AAK1: variants seen among roughly 807,000 people sequenced by gnomAD.
AAK1 encodes AP2-associated protein kinase 1.
In AAK1, 37 loss-of-function variants were observed where a neutral mutation model predicts 116.0. That is an observed-to-expected ratio of 0.32 (90% CI 0.25 to 0.42). The LOEUF is 0.42. Among genes scored for constraint, AAK1 ranks in the 10% least tolerant of loss-of-function variants. AAK1 has a pLI of 1.00. For synonymous variants in AAK1, 458 were observed against 439.9 expected, an observed-to-expected ratio of 1.04 and a Z score of -0.51; for missense variants, 919 against 1,170.6, an observed-to-expected ratio of 0.79 and a Z score of 3.14.
intron 5 of AAK1, among the ~76,000 whole-genome samples, chr2:69,541,957 G>A (rs1304884409): frequency 2.6e-5 from 4 of 152,104 alleles, no homozygotes; most frequent in East Asian, 3.9e-4. Context: ...ACTATAAAAC[G>A]TAACAAAGAA....
chr2:69,523,409 C>T lies in AAK1; in HGVS notation c.1055+1624G>A, dbSNP rs140746428. ...AATCAAAGTCTCACTACTTTAGAGG[C>T]ACATCTAAAATAACTTCATGTACAC... On this transcript the variant is annotated intron_variant, in intron 10 of 21. Coordinates refer to ENST00000409085, the MANE Select transcript of AAK1 (RefSeq NM_014911.5). Among the ~76,000 whole-genome samples, 10 of 152,180 alleles carry T rather than the reference C, an allele frequency of 6.6e-5. No homozygotes were observed. The East Asian group carries it at 1.9e-3, about 29-fold the overall frequency.
rs1385781701 is a variant in AAK1 at position 69,459,718 on chromosome 2, A to AC, written c.*16150_*16151insG. The stretch of plus-strand genomic sequence containing the variant: ...GACATGCTCAAAATAGGGGAATGTT[A>AC]AGTAAGGAAATGAAGTGGGAACAGG... On this transcript the variant is annotated 3_prime_UTR_variant, in exon 22 of 22. Coordinates refer to ENST00000409085, the MANE Select transcript of AAK1 (RefSeq NM_014911.5). 6.6e-6 allele frequency: 1 copy of AC among 152,228 alleles called. No homozygotes were observed. The highest frequency in any genetic ancestry group is 6.5e-5 in the Admixed American group (1 of 15,282). 9.4% of individuals were successfully genotyped at this position (152,228 alleles called of 1,614,324 possible).
intron 3 of AAK1, among the ~76,000 whole-genome samples, chr2:69,552,792 T>C (rs1172341771): frequency 2.0e-5 from 3 of 151,570 alleles, no homozygotes; most frequent in African/African-American, 7.3e-5. Context: ...ATCTTCAGAA[T>C]TGAGAGCTAG....
chr2:69,514,737 G>A lies in AAK1; in HGVS notation c.1510C>T (p.His504Tyr). Residue 504 changes from histidine (H) to tyrosine (Y), a missense_variant, in exon 13 of 22, where the codon CAT (histidine) becomes TAT (tyrosine). His to Tyr is a moderately conservative substitution (Grantham distance 83). This residue lies in a region of AAK1 where 214 missense variants were observed against 210.6 expected (regional missense o/e 1.02). Transcript: ENST00000409085. ...ATTGCTGGTTTCTGGGTTGCTGGAT[G>A]TACTGCCTGAAACTGAGCAAGAAAT... ...QAQTQQFQAV[H>Y]PATQKPAIAQ... 2 of 1,598,610 alleles carry A rather than the reference G, an allele frequency of 1.3e-6. No homozygotes were observed. The highest frequency in any genetic ancestry group is 1.7e-6 in the Non-Finnish European group (2 of 1,170,726).
chr2:69,536,793 TTCAG>T (rs58683100), intron 5 of AAK1, among the ~76,000 whole-genome samples: 4,540 of 152,304 alleles, frequency 0.03, 93 homozygotes, highest in Non-Finnish European at 0.047. Flanking sequence ...CATTAGGCAT[TTCAG>T]TCAGAGAATG....
intron 2 of AAK1, among the ~76,000 whole-genome samples, chr2:69,640,053 A>ACTCACTCTCTCT (rs1675644605): frequency 1.1e-5 from 1 of 92,742 alleles, no homozygotes; most frequent in African/African-American, 4.9e-5. Context: ...ACACACACAC[A>ACTCACTCTCTCT]CTCTCTCTCT....
chr2:69,637,256 C>T (rs1236936355), intron 2 of AAK1, among the ~76,000 whole-genome samples: 3 of 152,204 alleles, frequency 2.0e-5, no homozygotes, highest in Non-Finnish European at 4.4e-5. Flanking sequence ...CCTGACTACT[C>T]CCCAACCCAC....
At chr2:69,589,857 G>GT (rs1672955523) in intron 2 of AAK1, among the ~76,000 whole-genome samples, 1 of 152,146 alleles carries the variant, frequency 6.6e-6, no homozygotes, top group Admixed American at 6.5e-5. Context: ...CTGGAGTAGA[G>GT]TCAGGCACAG....
At chr2:69,631,926 G>A (rs1212892996) in intron 2 of AAK1, among the ~76,000 whole-genome samples, 3 of 152,140 alleles carry the variant, frequency 2.0e-5, no homozygotes, top group East Asian at 1.9e-4. Context: ...GTTGCAGGGA[G>A]CTGAGATCAC....
chr2:69,603,953 C>T (rs189328003), intron 2 of AAK1, among the ~76,000 whole-genome samples: 28 of 152,216 alleles, frequency 1.8e-4, no homozygotes, highest in African/African-American at 6.3e-4. Context: ...AGGTATTTTC[C>T]GATAATAAGA....
intron 2 of AAK1, among the ~76,000 whole-genome samples, chr2:69,625,499 G>A (rs976322980): frequency 6.6e-6 from 1 of 152,172 alleles, no homozygotes; most frequent in Non-Finnish European, 1.5e-5. Context: ...ACCATAAGAT[G>A]TTAGAGTTGG....
chr2:69,564,969 T>C (rs1406946386), intron 2 of AAK1, among the ~76,000 whole-genome samples: 4 of 152,242 alleles, frequency 2.6e-5, no homozygotes, highest in Non-Finnish European at 4.4e-5. Context: ...TGTATTTGTA[T>C]GATACATTAC....
intron 17 of AAK1, among the ~76,000 whole-genome samples, chr2:69,492,316 C>A (rs950251090): frequency 5.9e-5 from 9 of 151,662 alleles, no homozygotes; most frequent in African/African-American, 9.7e-5. Flanking sequence ...CAGGTTCAAG[C>A]AATTCTTCTG....
At chr2:69,631,366 A>G (rs1675166945) in intron 2 of AAK1, among the ~76,000 whole-genome samples, 1 of 152,250 alleles carries the variant, frequency 6.6e-6, no homozygotes, top group Admixed American at 6.5e-5. Context: ...AGGCATCATT[A>G]TTTAAGCTCA....
chr2:69,580,965 C>G (rs1672517697), intron 2 of AAK1, among the ~76,000 whole-genome samples: 1 of 151,394 alleles, frequency 6.6e-6, no homozygotes, highest in Non-Finnish European at 1.5e-5. Context: ...TTAAACTATG[C>G]AAGTTTACAA....
rs1675066352 is a variant in AAK1, at chr2:69,480,954, A to G, written c.2475T>C (p.Ala825=). The G allele has an allele frequency of 6.2e-7, 1 of 1,602,252 alleles. No individual in the cohort carries two copies. Among genetic ancestry groups the G allele is most frequent in the South Asian group, 1.1e-5 (1 of 88,018 alleles). The stretch of plus-strand genomic sequence containing the variant: ...GTATGAGACTCTCAACAGCAACATC[A>G]GCTTTTTCTTTCGTAACAGAGCATT... ...GSTSDAVIEK[A]DVAVESLIPG... The change falls in exon 19 of 22, where the codon GCT becomes GCC. Residue 825 remains alanine, a synonymous_variant. Transcript: ENST00000409085.
intron 2 of AAK1, among the ~76,000 whole-genome samples, chr2:69,566,212 G>A (rs912859364): frequency 2.0e-5 from 3 of 152,096 alleles, no homozygotes; most frequent in South Asian, 2.1e-4. Context: ...CAAAAGCTTC[G>A]GAAGGAACAA....
At chr2:69,546,610 G>A (rs1670934436) in intron 3 of AAK1, among the ~76,000 whole-genome samples, 1 of 152,172 alleles carries the variant, frequency 6.6e-6, no homozygotes, top group Non-Finnish European at 1.5e-5. Context: ...CTCATCCTAA[G>A]AGGAATAATA....
At chr2:69,564,178 T>C (rs887837412) in intron 2 of AAK1, among the ~76,000 whole-genome samples, 3 of 149,294 alleles carry the variant, frequency 2.0e-5, no homozygotes, top group Admixed American at 1.3e-4. Flanking sequence ...AGTGACAGAG[T>C]GAGACTCCAT....
Sources: allele counts gnomAD v4.1 joint callset (sites outside exome capture counted in the v4.1 genomes callset), GRCh38; gene constraint gnomAD v4.1.1; regional missense constraint gnomAD v4.1.1; transcripts MANE v1.5; gene names NCBI Gene and HGNC (gene_info 2026-07-23, HGNC 2026-07-21).